The following SCAF11 variants were observed in gnomAD, a reference collection of about 807,000 sequenced individuals.
SCAF11 encodes SR-related CTD associated factor 11, also known as protein SCAF11.
Under a neutral mutation model 140.5 loss-of-function variants are expected in SCAF11, and 47 were observed. The ratio of observed to expected loss-of-function variants is 0.33; its 90% confidence interval spans 0.26 to 0.43. The LOEUF is 0.43. Ranked by LOEUF, SCAF11 falls within the 20% of genes least tolerant of loss-of-function variation. SCAF11 has a pLI of 1.00. For missense variants in SCAF11, 1,645 were observed against 1,705.1 expected, an observed-to-expected ratio of 0.96 and a Z score of 0.62; for synonymous variants, 557 against 579.4, an observed-to-expected ratio of 0.96 and a Z score of 0.55.
rs1466185862 is a variant in SCAF11, at chr12:45,949,043, AC to A, written c.298-507del. On this transcript the variant is annotated intron_variant, in intron 4 of 14. Coordinates refer to ENST00000369367, the MANE Select transcript of SCAF11 (RefSeq NM_004719.3). Reference sequence around the variant, plus strand: ...TAAAGGTTCTTGAATAAGAAAATCTACAGGCATCAGAGAGTAAGCGGACTTT... The same window carrying A: ...TAAAGGTTCTTGAATAAGAAAATCTAAGGCATCAGAGAGTAAGCGGACTTT... Among the ~76,000 whole-genome samples the A allele has an allele frequency of 3.9e-5, 6 of 152,354 alleles. No homozygotes were observed. The East Asian group carries it at 1.2e-3, about 29-fold the overall frequency.
At chr12:45,979,071 T>G (rs1946295820) in intron 1 of SCAF11, among the ~76,000 whole-genome samples, 1 of 144,478 alleles carries the variant, frequency 6.9e-6, no homozygotes, top group Non-Finnish European at 1.5e-5. Flanking sequence ...CTTCAAGTAT[T>G]AGGTGGTGGG....
At chr12:45,972,909 GATATAT>G (rs1318936786) in intron 1 of SCAF11, among the ~76,000 whole-genome samples, 2 of 68,470 alleles carry the variant, frequency 2.9e-5, no homozygotes, top group Non-Finnish European at 3.1e-5. Flanking sequence ...TATATATATA[GATATAT>G]ATATAGATAT....
At chr12:45,980,714 T>C (rs186218101) in intron 1 of SCAF11, among the ~76,000 whole-genome samples, 1 of 152,310 alleles carries the variant, frequency 6.6e-6, no homozygotes, top group African/African-American at 2.4e-5. Flanking sequence ...AGTCCAGTGG[T>C]AATAAATAGC....
At chr12:45,972,927 TAG>T (rs1329982571) in intron 1 of SCAF11, among the ~76,000 whole-genome samples, 3 of 77,116 alleles carry the variant, frequency 3.9e-5, no homozygotes, top group East Asian at 2.1e-4. Flanking sequence ...TATAGATATA[TAG>T]ATATATATAG....
intron 1 of SCAF11, among the ~76,000 whole-genome samples, chr12:45,989,581 T>G (rs1308081802): frequency 1.3e-5 from 2 of 152,242 alleles, no homozygotes; most frequent in Non-Finnish European, 2.9e-5. Context: ...TACGTGTTGG[T>G]GGCAAGACCG....
intron 1 of SCAF11, among the ~76,000 whole-genome samples, chr12:45,976,726 T>C (rs1370247334): frequency 6.6e-6 from 1 of 152,070 alleles, no homozygotes; most frequent in Non-Finnish European, 1.5e-5. Flanking sequence ...GCAAAAGCAC[T>C]ATAGTATTAA....
At chr12:45,941,101 T>C (rs1476217055) in intron 6 of SCAF11, among the ~76,000 whole-genome samples, 1 of 152,202 alleles carries the variant, frequency 6.6e-6, no homozygotes, top group African/African-American at 2.4e-5. Context: ...AAACCATCAA[T>C]TTAACTGAGG....
chr12:45,942,318 C>T (rs1945321091), intron 6 of SCAF11, among the ~76,000 whole-genome samples: 1 of 152,162 alleles, frequency 6.6e-6, no homozygotes, highest in Non-Finnish European at 1.5e-5. Context: ...TTGGCCCAAG[C>T]CACTACAATT....
In SCAF11 at chr12:45,951,381, G is replaced by A. The variant is rs189631811; in HGVS notation, c.297+269C>T. On this transcript the variant is annotated intron_variant, in intron 4 of 14. Coordinates refer to ENST00000369367, the MANE Select transcript of SCAF11 (RefSeq NM_004719.3). The stretch of plus-strand genomic sequence containing the variant: ...TTATAATTAAGCCTTAGTACAAAAC[G>A]TCCTTCAGATTATCAGAGATCTAAT... Among the ~76,000 whole-genome samples, 539 of 152,186 alleles carry A rather than the reference G, an allele frequency of 3.5e-3. 2 individuals are homozygous for A. The highest frequency in any genetic ancestry group is 5.0e-3 in the Non-Finnish European group (341 of 67,964).
intron 1 of SCAF11, among the ~76,000 whole-genome samples, chr12:45,979,922 G>A (rs1946312806): frequency 6.6e-6 from 1 of 151,846 alleles, no homozygotes; most frequent in East Asian, 1.9e-4. Flanking sequence ...TTAGCATAAG[G>A]CATGAATAGA....
At chr12:45,972,901 T>TATAGATATATATATAG in intron 1 of SCAF11, among the ~76,000 whole-genome samples, 2 of 26,508 alleles carry the variant, frequency 7.5e-5, no homozygotes, top group South Asian at 1.2e-3. Flanking sequence ...TAGATATATA[T>TATAGATATATATATAG]ATATATAGAT....
At chr12:45,929,289 C>G (rs1944984612) in intron 10 of SCAF11, 1 of 154,144 alleles carries the variant, frequency 6.5e-6, no homozygotes, top group Non-Finnish European at 1.4e-5. Context: ...TCCCAGGTAG[C>G]TGGGACTACA....
chr12:45,985,933 G>C (rs1411336094), intron 1 of SCAF11, among the ~76,000 whole-genome samples: 1 of 152,002 alleles, frequency 6.6e-6, no homozygotes, highest in Non-Finnish European at 1.5e-5. Context: ...CTCTCTTCTT[G>C]ACTTCTATCT....
intron 1 of SCAF11, chr12:45,974,924 A>C (rs1946198706): frequency 6.6e-6 from 1 of 152,266 alleles, no homozygotes. Flanking sequence ...AATAAGACTT[A>C]ACAGTCAAAA....
intron 1 of SCAF11, among the ~76,000 whole-genome samples, chr12:45,987,943 G>A (rs965583377): frequency 1.3e-5 from 2 of 152,100 alleles, no homozygotes; most frequent in Non-Finnish European, 2.9e-5. Flanking sequence ...TATGTACTAG[G>A]ATTTCATACA....
At chr12:45,945,673 A>G (rs573116757) in intron 5 of SCAF11, among the ~76,000 whole-genome samples, 1 of 151,330 alleles carries the variant, frequency 6.6e-6, no homozygotes, top group South Asian at 2.1e-4. Context: ...AGTAGCTTGG[A>G]CTACAGGCAT....
intron 1 of SCAF11, among the ~76,000 whole-genome samples, chr12:45,988,833 G>C (rs1946523423): frequency 6.6e-6 from 1 of 152,098 alleles, no homozygotes; most frequent in Admixed American, 6.5e-5. Context: ...TAAAATATCT[G>C]CAAGCACCAA....
chr12:45,991,941 G>C, upstream of SCAF11: 5 of 1,288,518 alleles, frequency 3.9e-6, no homozygotes, highest in Non-Finnish European at 5.1e-6. Flanking sequence ...GCCTGCCCCC[G>C]TTCTGTTCGC....
chr12:45,979,699 A>G (rs1383630651), intron 1 of SCAF11, among the ~76,000 whole-genome samples: 3 of 152,186 alleles, frequency 2.0e-5, no homozygotes, highest in Non-Finnish European at 4.4e-5. Context: ...TGAATTTCTT[A>G]AACACAAACT....
Sources: gnomAD v4.1 joint callset for allele counts (sites outside exome capture counted in the v4.1 genomes callset) on GRCh38, gnomAD v4.1.1 for gene constraint, MANE v1.5 for transcripts, NCBI Gene and HGNC (gene_info 2026-07-23, HGNC 2026-07-21) for gene names.